ASB3: variants seen among roughly 807,000 people sequenced by gnomAD.
The protein encoded by ASB3 is ankyrin repeat and SOCS box containing 3.
ASB3 carries 41 observed loss-of-function variants against 54.5 expected under a neutral mutation model. The observed-to-expected ratio is 0.75, with a 90% CI of 0.59 to 0.98. The LOEUF (loss-of-function observed/expected upper bound fraction) is 0.98, where lower values mean the gene tolerates loss of function less well. ASB3 is among the 50% of genes least tolerant of loss of function. The pLI is 0.00. For missense variants in ASB3, 733 were observed against 620.0 expected (o/e 1.18, Z -1.94); for synonymous variants, 266 against 221.2 (o/e 1.20, Z -1.80).
intron 3 of ASB3, among the ~76,000 whole-genome samples, chr2:53,730,479 G>C (rs992755187): frequency 1.3e-5 from 2 of 152,170 alleles, no homozygotes; most frequent in Non-Finnish European, 2.9e-5. Context: ...TCATGTCTTG[G>C]TGATTGTGAA....
chr2:53,697,403 T>TC (rs1159479466), intron 8 of ASB3, among the ~76,000 whole-genome samples: 2 of 152,206 alleles, frequency 1.3e-5, no homozygotes, highest in African/African-American at 4.8e-5. Context: ...AAATAGCCAT[T>TC]CTTTTGTTCC....
intron 8 of ASB3, among the ~76,000 whole-genome samples, chr2:53,697,533 T>C (rs1257617690): frequency 2.6e-5 from 4 of 152,148 alleles, no homozygotes; most frequent in Non-Finnish European, 5.9e-5. Context: ...CAGTAACACA[T>C]AGATTTTGGT....
chr2:53,734,154 C>T (rs1384885915), intron 3 of ASB3, among the ~76,000 whole-genome samples: 1 of 152,188 alleles, frequency 6.6e-6, no homozygotes, highest in East Asian at 1.9e-4. Flanking sequence ...TGTCACAGTG[C>T]TGCAGAGATT....
chr2:53,715,578 T>C (rs528788020), intron 6 of ASB3, among the ~76,000 whole-genome samples: 12 of 152,192 alleles, frequency 7.9e-5, no homozygotes, highest in Non-Finnish European at 1.6e-4. Context: ...CTAACACTTA[T>C]GTTTAAATAA....
intron 4 of ASB3, among the ~76,000 whole-genome samples, chr2:53,729,247 T>C (rs1211421239): frequency 6.6e-6 from 1 of 152,188 alleles, no homozygotes; most frequent in Non-Finnish European, 1.5e-5. Context: ...ATTTTTAAAA[T>C]GTAGATAATC....
intron 2 of ASB3, among the ~76,000 whole-genome samples, chr2:53,753,085 T>A (rs1243188720): frequency 6.6e-6 from 1 of 151,270 alleles, no homozygotes; most frequent in African/African-American, 2.4e-5. Context: ...GGAAGGGTGA[T>A]CCTAGGATAG....
chr2:53,670,751 A>C, intron 9 of ASB3, 61 bp from the exon 10 acceptor site: 3 of 1,530,350 alleles, frequency 2.0e-6, no homozygotes, highest in Non-Finnish European at 2.6e-6. Context: ...ATAGCACATA[A>C]AGGTAAATTT....
intron 7 of ASB3, among the ~76,000 whole-genome samples, chr2:53,713,817 G>A (rs554886442): frequency 3.3e-5 from 5 of 152,160 alleles, no homozygotes; most frequent in African/African-American, 1.2e-4. Context: ...GGAGGCTGAG[G>A]TGGGAGGATC....
intron 9 of ASB3, among the ~76,000 whole-genome samples, chr2:53,676,386 A>G (rs1198037293): frequency 6.6e-6 from 1 of 152,218 alleles, no homozygotes; most frequent in Non-Finnish European, 1.5e-5. Context: ...GGTCATTCTT[A>G]CACACCTTTT....
chr2:53,671,257 G>C (rs935537100), intron 9 of ASB3, among the ~76,000 whole-genome samples: 1 of 151,876 alleles, frequency 6.6e-6, no homozygotes, highest in Admixed American at 6.6e-5. Context: ...TATATTATCA[G>C]GCTGTTGTAG....
Position 53,683,971 on chromosome 2 carries a change from T to C in ASB3, c.1369+9913A>G, listed in dbSNP as rs187967725. Among the ~76,000 whole-genome samples, 52 of 152,318 alleles carry C rather than the reference T, an allele frequency of 3.4e-4. No individual in the cohort carries two copies. In the East Asian group the frequency reaches 8.7e-3, roughly 25 times the overall value. On this transcript the variant is annotated intron_variant, in intron 9 of 9. Transcript: ENST00000263634. Reference sequence around the variant, plus strand: ...TCATTTATTTCTGCTCTGATCTTTATTATTTCTTTTCTTCTAGTAATTTTG... The same window carrying C: ...TCATTTATTTCTGCTCTGATCTTTACTATTTCTTTTCTTCTAGTAATTTTG...
intron 1 of ASB3, among the ~76,000 whole-genome samples, chr2:53,778,403 AT>A (rs1007894620): frequency 3.3e-5 from 5 of 151,974 alleles, no homozygotes; most frequent in Non-Finnish European, 5.9e-5. Context: ...ATGACCTCAA[AT>A]TTTTTTTGTA....
At chr2:53,690,459 T>C (rs1442734585) in intron 9 of ASB3, among the ~76,000 whole-genome samples, 1 of 152,126 alleles carries the variant, frequency 6.6e-6, no homozygotes, top group Non-Finnish European at 1.5e-5. Context: ...TTTGGTATGA[T>C]AACAACAGTC....
intron 9 of ASB3, among the ~76,000 whole-genome samples, chr2:53,676,312 A>G (rs1403666935): frequency 6.6e-6 from 1 of 152,208 alleles, no homozygotes; most frequent in Non-Finnish European, 1.5e-5. Flanking sequence ...ATGATGTAGT[A>G]AACTCATTTC....
At chr2:53,759,567 C>T (rs112223150) in intron 2 of ASB3, among the ~76,000 whole-genome samples, 30 of 151,962 alleles carry the variant, frequency 2.0e-4, no homozygotes, top group African/African-American at 3.9e-4. Flanking sequence ...GCAGGCAGAA[C>T]GGGATAAACG....
At chr2:53,700,620 G>A in intron 7 of ASB3, 92 bp from the exon 8 acceptor site, 1 of 1,464,872 alleles carries the variant, frequency 6.8e-7, no homozygotes, top group African/African-American at 1.4e-5. Context: ...TACAGCTGGG[G>A]AATAAGTATG....
chr2:53,670,263 G>A lies in ASB3; in HGVS notation c.*240C>T, dbSNP rs1218380393. The A allele has an allele frequency of 2.7e-6, 1 of 369,334 alleles. No homozygotes were observed. Among genetic ancestry groups the A allele is most frequent in the Non-Finnish European group, 4.7e-6 (1 of 211,904 alleles). 22.9% of individuals were successfully genotyped at this position (369,334 alleles called of 1,614,324 possible). Reference sequence around the variant, plus strand: ...CATATAATGTACTGGTGATGAAGCTGCAATAAAGTAATATAAGTGATGTTT... The same window carrying A: ...CATATAATGTACTGGTGATGAAGCTACAATAAAGTAATATAAGTGATGTTT... On this transcript the variant is annotated 3_prime_UTR_variant, in exon 10 of 10. Transcript: ENST00000263634.
intron 3 of ASB3, among the ~76,000 whole-genome samples, chr2:53,731,051 T>C (rs1044852776): frequency 1.3e-5 from 2 of 152,224 alleles, no homozygotes; most frequent in African/African-American, 4.8e-5. Context: ...ACTAGTTTTA[T>C]ATATTGAATT....
rs187499877 is a variant in ASB3 at position 53,753,698 on chromosome 2, G to A, written c.197-2757C>T. Among the ~76,000 whole-genome samples the A allele has an allele frequency of 8.6e-3, 1,301 of 151,040 alleles. 15 individuals carry two copies. The highest frequency in any genetic ancestry group is 0.029 in the African/African-American group (1,194 of 41,124). ...GTTGCCCAGGATGGAGTGCAGTGGC[G>A]TGATCTCAGCTCACTGCAACCTCCA... On this transcript the variant is annotated intron_variant, in intron 2 of 9. Transcript: ENST00000263634.
Sources: gnomAD v4.1 joint callset for allele counts (sites outside exome capture counted in the v4.1 genomes callset) on GRCh38, gnomAD v4.1.1 for gene constraint, MANE v1.5 for transcripts, NCBI Gene and HGNC (gene_info 2026-07-23, HGNC 2026-07-21) for gene names.